Variants in TMF1 observed in about 807,000 individuals in gnomAD.
The protein encoded by TMF1 is TATA element modulatory factor 1, also known as TATA element modulatory factor.
In TMF1, 71 loss-of-function variants were observed where a neutral mutation model predicts 126.5. The observed-to-expected ratio is 0.56, with a 90% CI of 0.46 to 0.68. TMF1 has a LOEUF of 0.68. Ranked by LOEUF, TMF1 falls within the 30% of genes least tolerant of loss-of-function variation. The probability of loss-of-function intolerance (pLI) is 0.00; values close to 1 mark genes in which losing one functional copy is unlikely to be tolerated. For synonymous variants in TMF1, 461 were observed against 430.5 expected (o/e 1.07, Z -0.88); for missense variants, 1,259 against 1,253.2 (o/e 1.00, Z -0.07).
chr3:69,042,915 A>G lies in TMF1; in HGVS notation c.1579-3T>C, dbSNP rs2091875783. ...TCTTCTTTTATGTTTTTGATTTCCT[A>G]ATAAAAAAGAAATCTGTGAATACCG... On this transcript the variant is annotated splice_region_variant and splice_polypyrimidine_tract_variant and intron_variant, in intron 4 of 16. Transcript: ENST00000398559. 6.3e-7 allele frequency: 1 copy of G among 1,586,978 alleles called. No homozygotes were observed. Among genetic ancestry groups the G allele is most frequent in the African/African-American group, 1.3e-5 (1 of 74,302 alleles).
In TMF1 at chr3:69,048,148, T is replaced by C. The variant is rs369303236; in HGVS notation, c.557A>G (p.Asp186Gly). The C allele has an allele frequency of 6.8e-6, 11 of 1,614,084 alleles. No individual in the cohort carries two copies. Among genetic ancestry groups the C allele is most frequent in the Non-Finnish European group, 9.3e-6 (11 of 1,180,044 alleles). ...CAAACTTACAGTTGGCACCTTCATA[T>C]CCGATTCTTTATTAACAGTTTCTTC... The part of the protein sequence containing the change: ...KHEETVNKES[D>G]MKVPTVSLKV... Residue 186 changes from aspartate (D) to glycine (G), a missense_variant, in exon 2 of 17, where the codon GAT (aspartate) becomes GGT (glycine). Asp to Gly is a moderately conservative substitution (Grantham distance 94, BLOSUM62 -1). Coordinates refer to ENST00000398559, the MANE Select transcript of TMF1 (RefSeq NM_007114.3).
Position 69,026,008 on chromosome 3 carries a change from A to G in TMF1, c.2847T>C (p.Ser949=), listed in dbSNP as rs1342385407. Reference sequence around the variant, plus strand: ...AATAAAACATCACCTGAGACAGAAAAGATGTCTGTAGTCCTGCCATATCAA... The same window carrying G: ...AATAAAACATCACCTGAGACAGAAAGGATGTCTGTAGTCCTGCCATATCAA... ...SGVDMAGLQT[S]FLSQDESHDH... is the part of the protein sequence containing the mutation. Residue 949 remains serine, a synonymous_variant, in exon 14 of 17, where the codon TCT becomes TCC. Transcript: ENST00000398559. 1.2e-6 allele frequency: 2 copies of G among 1,610,772 alleles called. No homozygotes were observed. Among genetic ancestry groups the G allele is most frequent in the Non-Finnish European group, 1.7e-6 (2 of 1,177,624 alleles).
At chr3:69,047,270 A>G (rs2091900377) in intron 2 of TMF1, 88 bp downstream of exon 2, 1 of 1,407,700 alleles carries the variant, frequency 7.1e-7, no homozygotes, top group Admixed American at 2.4e-5. Context: ...TGTATAAATT[A>G]TTATGCATCA....
At chr3:69,042,611 A>G in intron 5 of TMF1, 196 bp downstream of exon 5, 3 of 682,194 alleles carry the variant, frequency 4.4e-6, no homozygotes, top group Non-Finnish European at 8.0e-6. Flanking sequence ...CCAAAAAACA[A>G]AAGCTAGAAA....
At chr3:69,025,312 G>A in intron 15 of TMF1, 1 of 378,048 alleles carries the variant, frequency 2.6e-6, no homozygotes, top group African/African-American at 2.1e-5. Context: ...CTCCAGCCCA[G>A]CATTTCCTGT....
rs1436577024 is a variant in TMF1 at position 69,026,095 on chromosome 3, T to C, written c.2760A>G (p.Glu920=). The change falls in exon 14 of 17, where the codon GAA becomes GAG. Residue 920 remains glutamate (E), a splice_region_variant and synonymous_variant. Transcript: ENST00000398559. The part of the protein sequence containing the change: ...IFTQETIKEK[E]RKPFSVSSTP... ...TGCTAGAAACAGAAAATGGCTTGCGTTCCTTAGGGAGTAAAAAAAATTCTG... is the reference window on the plus strand; with the variant it reads ...TGCTAGAAACAGAAAATGGCTTGCGCTCCTTAGGGAGTAAAAAAAATTCTG... 1 of 1,610,314 alleles carries C rather than the reference T, an allele frequency of 6.2e-7. No homozygotes were observed. Among genetic ancestry groups the C allele is most frequent in the Non-Finnish European group, 8.5e-7 (1 of 1,178,042 alleles).
At chr3:69,037,076 A>G (rs556784630) in intron 8 of TMF1, among the ~76,000 whole-genome samples, 5 of 152,342 alleles carry the variant, frequency 3.3e-5, no homozygotes, top group Admixed American at 2.6e-4. Context: ...AATAACAATA[A>G]AAAGACAAAC....
At chr3:69,051,046 T>C (rs2091924982) in intron 1 of TMF1, among the ~76,000 whole-genome samples, 1 of 152,210 alleles carries the variant, frequency 6.6e-6, no homozygotes, top group Non-Finnish European at 1.5e-5. Flanking sequence ...ATTTTCCGGC[T>C]AATACCTCCG....
intron 16 of TMF1, among the ~76,000 whole-genome samples, chr3:69,023,638 G>A (rs949847854): frequency 1.3e-5 from 2 of 152,026 alleles, no homozygotes; most frequent in African/African-American, 4.8e-5. Context: ...TTCCATGGTG[G>A]TATAAGTATT....
chr3:69,027,776 T>A (rs1477763630), intron 13 of TMF1, 124 bp downstream of exon 13: 21 of 526,538 alleles, frequency 4.0e-5, no homozygotes, highest in Middle Eastern at 6.3e-4. Context: ...CTGGGCCACA[T>A]GCCAACCAGG....
In TMF1 at chr3:69,023,187, C is replaced by T; in HGVS notation, c.3272G>A (p.Ser1091Asn). 1.2e-6 allele frequency: 2 copies of T among 1,609,874 alleles called. No homozygotes were observed. Among genetic ancestry groups the T allele is most frequent in the Non-Finnish European group, 1.7e-6 (2 of 1,177,544 alleles). Residue 1091 changes from serine (S) to asparagine (N), a missense_variant, in exon 17 of 17, where the codon AGT becomes AAT. Transcript: ENST00000398559. Reference sequence around the variant, plus strand: ...TTCAATTTTCACAAGTTAACTGAGACTTTGTCTTAAAAGTTCATCTATTTG... The same window carrying T: ...TTCAATTTTCACAAGTTAACTGAGATTTTGTCTTAAAAGTTCATCTATTTG... ...KTQIDELLRQSLS is the reference protein window; with the variant it reads ...KTQIDELLRQNLS
At chr3:69,035,284 A>C in intron 8 of TMF1, 169 bp from the exon 9 acceptor site, 1 of 574,808 alleles carries the variant, frequency 1.7e-6, no homozygotes, top group Non-Finnish European at 3.1e-6. Context: ...AAGCAATTCT[A>C]AAACTGTATG....
intron 1 of TMF1, among the ~76,000 whole-genome samples, chr3:69,049,652 T>C (rs1373034316): frequency 6.6e-6 from 1 of 152,120 alleles, no homozygotes; most frequent in Non-Finnish European, 1.5e-5. Context: ...ATAGAGGTGG[T>C]TGACACTAGG....
At chr3:69,044,661 G>A (rs2091885714) in intron 2 of TMF1, 66 bp from the exon 3 acceptor site, 2 of 951,048 alleles carry the variant, frequency 2.1e-6, no homozygotes, top group Non-Finnish European at 3.3e-6. Flanking sequence ...TTACATGCAG[G>A]TGTATCACTG....
chr3:69,033,264 A>G (rs1468471773), intron 10 of TMF1, among the ~76,000 whole-genome samples: 1 of 110,420 alleles, frequency 9.1e-6, no homozygotes, highest in East Asian at 2.4e-4. Context: ...AAAGAGTGAG[A>G]CTCCATCTCA....
intron 10 of TMF1, among the ~76,000 whole-genome samples, chr3:69,031,245 G>A (rs898705794): frequency 6.6e-6 from 1 of 152,132 alleles, no homozygotes; most frequent in South Asian, 2.1e-4. Context: ...TGGGACAAGG[G>A]AGGAAGGGTT....
At chr3:69,042,335 G>C (rs773079006) in intron 5 of TMF1, 52 of 455,656 alleles carry the variant, frequency 1.1e-4, no homozygotes, top group Admixed American at 1.6e-4. Context: ...ACCACACTCA[G>C]CCAACCCTGT....
At chr3:69,026,246 A>G in intron 13 of TMF1, 149 bp from the exon 14 acceptor site, 1 of 530,690 alleles carries the variant, frequency 1.9e-6, no homozygotes. Context: ...AAAAGAAGAA[A>G]AAAAACTTTT....
At chr3:69,045,472 A>AAAATAAAT (rs919742317) in intron 2 of TMF1, among the ~76,000 whole-genome samples, 4 of 147,430 alleles carry the variant, frequency 2.7e-5, no homozygotes, top group African/African-American at 1.0e-4. Flanking sequence ...TCAAAAAGTA[A>AAAATAAAT]AAATAAATAA....
Sources: gnomAD v4.1 joint callset for allele counts (sites outside exome capture counted in the v4.1 genomes callset) on GRCh38, gnomAD v4.1.1 for gene constraint, MANE v1.5 for transcripts, NCBI Gene and HGNC (gene_info 2026-07-23, HGNC 2026-07-21) for gene names.